Variants in RIN3 observed in about 807,000 individuals in gnomAD.
RIN3 encodes RAB5 interacting protein 3.
A neutral mutation model predicts 76.3 loss-of-function variants in RIN3; 54 were observed. The ratio of observed to expected loss-of-function variants is 0.71; its 90% CI spans 0.57 to 0.89. The LOEUF (loss-of-function observed/expected upper bound fraction) is 0.89, where lower values mean the gene tolerates loss of function less well. RIN3 is among the 40% of genes least tolerant of loss of function. RIN3 has a pLI of 0.00. For missense variants in RIN3, 1,256 were observed against 1,322.1 expected (o/e 0.95, Z 0.78); for synonymous variants, 576 against 564.0 (o/e 1.02, Z -0.30).
chr14:92,560,747 G>A (rs544451311), intron 2 of RIN3, among the ~76,000 whole-genome samples: 66 of 151,988 alleles, frequency 4.3e-4, no homozygotes, highest in African/African-American at 1.3e-3. Context: ...GGCCGGATGC[G>A]GTGGCTCATG....
At chr14:92,561,253 G>A (rs369909865) in intron 2 of RIN3, among the ~76,000 whole-genome samples, 98 of 149,996 alleles carry the variant, frequency 6.5e-4, no homozygotes, top group African/African-American at 1.8e-3. Flanking sequence ...TGCTGGCACC[G>A]ATGAAAGACA....
chr14:92,682,099 C>G (rs767160910), intron 8 of RIN3, among the ~76,000 whole-genome samples: 1 of 152,124 alleles, frequency 6.6e-6, no homozygotes, highest in African/African-American at 2.4e-5. Flanking sequence ...GTTGGCCAGG[C>G]TGGTCTTGAA....
chr14:92,651,982 G>C lies in RIN3; in HGVS notation c.933G>C (p.Leu311Phe). ...PALAPAPACP[L>F]PTSPPVPAPH... ...TTGCCCCCGCCCCTGCCTGTCCTTT[G>C]CCCACCTCTCCCCCAGTGCCTGCCC... Residue 311 changes from leucine (L) to phenylalanine (F), a missense_variant, in exon 6 of 10, where the codon TTG becomes TTC. By Grantham distance (22) the Leu-to-Phe change is conservative. Around this residue, in one of 3 missense-constraint regions of RIN3, gnomAD observed 610 missense variants for 626.4 expected, o/e 0.97. Transcript: ENST00000216487. 7.2e-7 allele frequency: 1 copy of C among 1,389,644 alleles called. No homozygotes were observed. Among genetic ancestry groups the C allele is most frequent in the Non-Finnish European group, 9.6e-7 (1 of 1,037,958 alleles). 86.1% of individuals were successfully genotyped at this position (1,389,644 alleles called of 1,614,324 possible).
chr14:92,557,561 T>C (rs568449611), intron 2 of RIN3, among the ~76,000 whole-genome samples: 48 of 152,336 alleles, frequency 3.2e-4, no homozygotes, highest in African/African-American at 1.1e-3. Flanking sequence ...AAGTCGCCAG[T>C]TGTACCTGAA....
intron 3 of RIN3, among the ~76,000 whole-genome samples, chr14:92,581,755 A>G (rs556449830): frequency 1.3e-5 from 2 of 152,288 alleles, no homozygotes; most frequent in South Asian, 4.1e-4. Context: ...ATGGTCGTTA[A>G]AGCAGTAAAA....
chr14:92,572,556 TG>T (rs1159551932), intron 2 of RIN3, among the ~76,000 whole-genome samples: 1 of 152,216 alleles, frequency 6.6e-6, no homozygotes, highest in Non-Finnish European at 1.5e-5. Flanking sequence ...CTGACATTCC[TG>T]GTCAGGGAGG....
intron 7 of RIN3, among the ~76,000 whole-genome samples, chr14:92,667,279 A>G (rs1016256325): frequency 1.3e-5 from 2 of 152,140 alleles, no homozygotes; most frequent in Non-Finnish European, 2.9e-5. Flanking sequence ...TTGGGAGGCC[A>G]AGGCGGGCGG....
rs766751685 is a variant in RIN3, at chr14:92,555,967, C to T, written c.249+12C>T. ...GGGTGGTGGCTGGGGTGAGTGGGGG[C>T]GTCTCCCACTTGGTAGGCACACACA... On this transcript the variant is annotated intron_variant, in intron 2 of 9. Coordinates refer to ENST00000216487, the MANE Select transcript of RIN3 (RefSeq NM_024832.5). 130 of 1,605,554 alleles carry T rather than the reference C, an allele frequency of 8.1e-5. No individual in the cohort carries two copies. Among genetic ancestry groups the T allele is most frequent in the South Asian group, 7.5e-4 (68 of 90,866 alleles).
intron 5 of RIN3, among the ~76,000 whole-genome samples, chr14:92,642,728 C>A (rs1383781743): frequency 6.6e-6 from 1 of 152,164 alleles, no homozygotes; most frequent in Admixed American, 6.5e-5. Flanking sequence ...CACTGTTCAC[C>A]ACTCAGAGGG....
chr14:92,640,200 C>T (rs1310750641), intron 4 of RIN3, among the ~76,000 whole-genome samples: 26 of 77,478 alleles, frequency 3.4e-4, no homozygotes, highest in Non-Finnish European at 4.7e-4. Context: ...GTGTGTTCAT[C>T]GGGGGCTGCC....
intron 3 of RIN3, among the ~76,000 whole-genome samples, chr14:92,589,771 T>A (rs78543119): frequency 2.2e-3 from 331 of 152,338 alleles, no homozygotes; most frequent in Non-Finnish European, 3.5e-3. Flanking sequence ...CCTTCCCATG[T>A]GACGTGGGTG....
intron 4 of RIN3, among the ~76,000 whole-genome samples, chr14:92,628,667 C>A (rs2140117410): frequency 6.6e-6 from 1 of 152,254 alleles, no homozygotes; most frequent in Admixed American, 6.5e-5. Flanking sequence ...GTTTCTTTTG[C>A]CCTTAGCCAG....
chr14:92,572,260 AGT>A (rs1381076144), intron 2 of RIN3, among the ~76,000 whole-genome samples: 5 of 152,182 alleles, frequency 3.3e-5, no homozygotes, highest in African/African-American at 1.2e-4. Context: ...CCGCATGCGC[AGT>A]GTGTTTACTG....
At chr14:92,569,267 A>G (rs1897996574) in intron 2 of RIN3, among the ~76,000 whole-genome samples, 1 of 152,218 alleles carries the variant, frequency 6.6e-6, no homozygotes, top group Admixed American at 6.5e-5. Flanking sequence ...AGACAGAAGC[A>G]CAAAACCAGC....
intron 7 of RIN3, among the ~76,000 whole-genome samples, chr14:92,670,197 C>T (rs988508542): frequency 6.6e-5 from 10 of 152,272 alleles, no homozygotes; most frequent in Non-Finnish European, 4.4e-5. Flanking sequence ...AGAGAGCTTT[C>T]CTTCTCCAAA....
chr14:92,651,583 T>G lies in RIN3; in HGVS notation c.534T>G (p.Gly178=). The stretch of plus-strand genomic sequence containing the variant: ...CCTGCCCCTCTCTTGCTTCCACAGG[T>G]TTCTGGGACTCCTCGCTGAATCCTC... ...DLETIANLGL[G]FWDSSLNPPQ... The change falls in exon 6 of 10, where the codon GGT becomes GGG. Residue 178 remains glycine, a splice_region_variant and synonymous_variant. Transcript: ENST00000216487. 7.3e-7 allele frequency: 1 copy of G among 1,370,150 alleles called. No homozygotes were observed. Among genetic ancestry groups the G allele is most frequent in the Non-Finnish European group, 9.7e-7 (1 of 1,028,124 alleles). The allele number at this position is 1,370,150 out of a possible 1,614,324, so 84.9% of individuals were successfully genotyped here.
At position 92,656,697 on chromosome 14, in the gene RIN3, G is replaced by C. The variant is rs1294534676; in HGVS notation, c.2027-2464G>C. On this transcript the variant is annotated intron_variant, in intron 6 of 9. Transcript: ENST00000216487. This position sits in a 1 kb window ranked among gnomAD's most constrained non-coding sequence, Gnocchi z 5.2. ...GGGCAGAGAGGTTTCCAGGCAGTGA[G>C]AGGTGGCAGCTGAGCTGAGCCACCA... Among the ~76,000 whole-genome samples the C allele has an allele frequency of 6.6e-6, 1 of 152,218 alleles. No individual in the cohort carries two copies. The highest frequency in any genetic ancestry group is 1.5e-5 in the Non-Finnish European group (1 of 68,038).
chr14:92,582,069 G>A (rs181109352), intron 3 of RIN3, among the ~76,000 whole-genome samples: 6 of 152,310 alleles, frequency 3.9e-5, no homozygotes, highest in Admixed American at 1.3e-4. Flanking sequence ...TTCTAAACCA[G>A]TGAAGCAGGA....
chr14:92,565,535 G>A (rs775953174), intron 2 of RIN3, among the ~76,000 whole-genome samples: 6 of 152,174 alleles, frequency 3.9e-5, no homozygotes, highest in Non-Finnish European at 5.9e-5. Context: ...ATCAAACAAG[G>A]GGTGGATTAT....
Sources: gnomAD v4.1 joint callset for allele counts (sites outside exome capture counted in the v4.1 genomes callset) on GRCh38, gnomAD v4.1.1 for gene constraint, gnomAD v4.1.1 regional missense constraint, Gnocchi (gnomAD v3.1) non-coding constraint, MANE v1.5 for transcripts, NCBI Gene and HGNC (gene_info 2026-07-23, HGNC 2026-07-21) for gene names.